Variants in BUB1B observed in about 807,000 individuals in gnomAD.
The protein encoded by BUB1B is BUB1 mitotic checkpoint serine/threonine kinase B.
A neutral mutation model predicts 137.7 loss-of-function variants in BUB1B; 86 were observed. The ratio of observed to expected loss-of-function variants is 0.62; its 90% CI spans 0.52 to 0.75. The LOEUF (loss-of-function observed/expected upper bound fraction) is 0.75, where lower values mean the gene tolerates loss of function less well. Ranked by LOEUF, BUB1B falls within the 30% of genes least tolerant of loss-of-function variation. The pLI is 0.00. For missense variants in BUB1B, 1,130 were observed against 1,236.9 expected (o/e 0.91, Z 1.30); for synonymous variants, 420 against 417.9 (o/e 1.00, Z -0.06).
At chr15:40,163,043 T>G (rs2037058322) in intron 1 of BUB1B, among the ~76,000 whole-genome samples, 1 of 152,182 alleles carries the variant, frequency 6.6e-6, no homozygotes, top group African/African-American at 2.4e-5. Flanking sequence ...CTGCATGGGT[T>G]TCCTTAGGTA....
chr15:40,181,832 CTG>C (rs556493887), intron 5 of BUB1B, among the ~76,000 whole-genome samples: 10 of 152,144 alleles, frequency 6.6e-5, no homozygotes, highest in Admixed American at 1.3e-4. Flanking sequence ...TTCTGTTTCT[CTG>C]TTGAGAATTT....
intron 14 of BUB1B, 142 bp from the exon 15 acceptor site, chr15:40,206,042 T>C: frequency 3.6e-6 from 3 of 831,326 alleles, no homozygotes; most frequent in Non-Finnish European, 3.8e-6. Context: ...GTTCATGATA[T>C]AAAAACCTTT....
intron 6 of BUB1B, 66 bp downstream of exon 6, chr15:40,183,949 AATAC>A (rs1222625682): frequency 1.3e-6 from 2 of 1,521,268 alleles, no homozygotes; most frequent in Admixed American, 3.5e-5. Context: ...GTAAGAAGAT[AATAC>A]ATAAATATAC....
chr15:40,176,343 C>A, intron 4 of BUB1B, 134 bp from the exon 5 acceptor site: 3 of 854,432 alleles, frequency 3.5e-6, no homozygotes, highest in Non-Finnish European at 5.8e-6. Flanking sequence ...CCAGTATGGT[C>A]CTTATCACAT....
Position 40,202,393 on chromosome 15 carries a change from C to T in BUB1B, c.1568-12C>T. ...TACTCCTAGAGTATGTATCTAGTCT[C>T]TCTTTCTCTAGGTCCCAGTGTACCT... On this transcript the variant is annotated splice_polypyrimidine_tract_variant and intron_variant, in intron 12 of 22. Coordinates refer to ENST00000287598, the MANE Select transcript of BUB1B (RefSeq NM_001211.6). The T allele has an allele frequency of 6.3e-7, 1 of 1,596,310 alleles. No homozygotes were observed. The highest frequency in any genetic ancestry group is 1.3e-5 in the African/African-American group (1 of 74,538).
chr15:40,210,001 A>G, intron 17 of BUB1B, 109 bp from the exon 18 acceptor site: 3 of 1,016,366 alleles, frequency 3.0e-6, no homozygotes, highest in Non-Finnish European at 4.6e-6. Context: ...TCTAGATACT[A>G]CTAACTGGCA....
intron 12 of BUB1B, 100 bp downstream of exon 12, chr15:40,201,080 CA>C (rs2037563054): frequency 2.4e-5 from 27 of 1,105,604 alleles, no homozygotes; most frequent in South Asian, 1.6e-4. Context: ...GATTGAAAGA[CA>C]GGGGGACTAG....
chr15:40,220,897 A>G lies in BUB1B; in HGVS notation c.*138A>G, dbSNP rs2037896763. 1.1e-6 allele frequency: 1 copy of G among 919,574 alleles called. No individual in the cohort carries two copies. The highest frequency in any genetic ancestry group is 1.7e-6 in the Non-Finnish European group (1 of 576,844). 57.0% of individuals were successfully genotyped at this position (919,574 alleles called of 1,614,324 possible). On this transcript the variant is annotated 3_prime_UTR_variant, in exon 23 of 23. Transcript: ENST00000287598. The stretch of plus-strand genomic sequence containing the variant: ...TGCTGTTCTACTTTTTGGTACAGGT[A>G]TATTTTGACGTCACTGATATTTTTT...
At chr15:40,176,749 G>A (rs2037229201) in intron 5 of BUB1B, 76 bp downstream of exon 5, 1 of 1,452,318 alleles carries the variant, frequency 6.9e-7, no homozygotes, top group Non-Finnish European at 9.5e-7. Flanking sequence ...TCTGAATAAA[G>A]TGCTTTCTGG....
chr15:40,171,471 C>T (rs1442471896), intron 4 of BUB1B, among the ~76,000 whole-genome samples: 3 of 152,020 alleles, frequency 2.0e-5, no homozygotes, highest in Admixed American at 6.6e-5. Context: ...CGCTTGAGCC[C>T]GGGACGTCCA....
chr15:40,209,828 G>A (rs1595533600), intron 17 of BUB1B, 53 bp downstream of exon 17: 1 of 1,585,626 alleles, frequency 6.3e-7, no homozygotes, highest in East Asian at 2.2e-5. Context: ...ACAAATAAGT[G>A]ATTATTTGTA....
intron 2 of BUB1B, among the ~76,000 whole-genome samples, chr15:40,169,543 G>C (rs1271574988): frequency 7.3e-6 from 1 of 137,420 alleles, no homozygotes; most frequent in Non-Finnish European, 1.6e-5. Flanking sequence ...CTTGAAATTT[G>C]TTTCTCTAAT....
chr15:40,216,776 AAAAC>A (rs1239418209), intron 20 of BUB1B, among the ~76,000 whole-genome samples: 5 of 151,712 alleles, frequency 3.3e-5, no homozygotes, highest in African/African-American at 4.8e-5. Context: ...TTAATTGAGA[AAAAC>A]AGACAAAAGG....
In BUB1B at chr15:40,220,644, G is replaced by A. The variant is rs755017710; in HGVS notation, c.3038G>A (p.Gly1013Glu). The A allele has an allele frequency of 1.5e-5, 24 of 1,614,166 alleles. No individual in the cohort carries two copies. The highest frequency in any genetic ancestry group is 1.9e-5 in the Non-Finnish European group (22 of 1,180,026). ...GATGAGGCCACAGTGTCTGTTCTTGGGGAGCTTGCAGCAGAAATGAATGGG... is the reference window on the plus strand; with the variant it reads ...GATGAGGCCACAGTGTCTGTTCTTGAGGAGCTTGCAGCAGAAATGAATGGG... ...ANDEATVSVLGELAAEMNGVF... is the reference protein window; with the variant it reads ...ANDEATVSVLEELAAEMNGVF... The change falls in exon 23 of 23, where the codon GGG becomes GAG. Residue 1013 changes from glycine (G) to glutamate (E), a missense_variant. Coordinates refer to ENST00000287598, the MANE Select transcript of BUB1B (RefSeq NM_001211.6).
chr15:40,193,952 G>T (rs1240623230), intron 8 of BUB1B, among the ~76,000 whole-genome samples: 1 of 150,810 alleles, frequency 6.6e-6, no homozygotes, highest in Non-Finnish European at 1.5e-5. Flanking sequence ...TGAACTCCTG[G>T]CCTCAAGTGA....
In BUB1B at chr15:40,209,916, A is replaced by T. The variant is rs1595533639; in HGVS notation, c.2284+141A>T. ...AAAGCAATATAGAGGATGACACATCAGTAACTTCATGTCCTAATAATAGGA... is the reference window on the plus strand; with the variant it reads ...AAAGCAATATAGAGGATGACACATCTGTAACTTCATGTCCTAATAATAGGA... On this transcript the variant is annotated intron_variant, in intron 17 of 22. Coordinates refer to ENST00000287598, the MANE Select transcript of BUB1B (RefSeq NM_001211.6). The T allele has an allele frequency of 2.7e-6, 3 of 1,100,720 alleles. No homozygotes were observed. The East Asian group carries it at 7.6e-5, about 28-fold the overall frequency. The allele number at this position is 1,100,720 out of a possible 1,614,324, so 68.2% of individuals were successfully genotyped here. A position where few individuals can be genotyped will look rare whatever the true frequency, so the allele number is the denominator to read the frequency against.
In BUB1B at chr15:40,181,793, A is replaced by G. The variant is rs145147778; in HGVS notation, c.582-1921A>G. ...TTCAGATACTGTATTTTTCAATTCTAAAATTTCTGTTTCATTCTTTTTTAT... is the reference window on the plus strand; with the variant it reads ...TTCAGATACTGTATTTTTCAATTCTGAAATTTCTGTTTCATTCTTTTTTAT... On this transcript the variant is annotated intron_variant, in intron 5 of 22. Coordinates refer to ENST00000287598, the MANE Select transcript of BUB1B (RefSeq NM_001211.6). Among the ~76,000 whole-genome samples, 4 of 152,310 alleles carry G rather than the reference A, an allele frequency of 2.6e-5. No homozygotes were observed. In the East Asian group the frequency reaches 5.8e-4, roughly 22 times the overall value.
At chr15:40,174,145 A>G (rs904893756) in intron 4 of BUB1B, among the ~76,000 whole-genome samples, 5 of 152,220 alleles carry the variant, frequency 3.3e-5, no homozygotes, top group Admixed American at 1.3e-4. Context: ...CCCACGCACA[A>G]GAACACCAGA....
intron 1 of BUB1B, among the ~76,000 whole-genome samples, 199 bp downstream of exon 1, chr15:40,161,454 C>T (rs1417808277): frequency 1.2e-4 from 18 of 152,098 alleles, no homozygotes. Flanking sequence ...CGAATCCTGC[C>T]GCATCCAGCT....
Sources: gnomAD v4.1 joint callset for allele counts (sites outside exome capture counted in the v4.1 genomes callset) on GRCh38, gnomAD v4.1.1 for gene constraint, MANE v1.5 for transcripts, NCBI Gene and HGNC (gene_info 2026-07-23, HGNC 2026-07-21) for gene names.